PRKAG2: variants seen among roughly 807,000 people sequenced by gnomAD.
PRKAG2 encodes 5'-AMP-activated protein kinase subunit gamma-2.
In PRKAG2, 26 loss-of-function variants were observed where a neutral mutation model predicts 69.6. That is an observed-to-expected ratio of 0.37 (90% confidence interval 0.27 to 0.52). PRKAG2 has a LOEUF of 0.52. Ranked by LOEUF, PRKAG2 falls within the 20% of genes least tolerant of loss-of-function variation. The pLI is 0.90. For synonymous variants in PRKAG2, 293 were observed against 285.0 expected (o/e 1.03, Z -0.28); for missense variants, 557 against 740.0 (o/e 0.75, Z 2.87).
chr7:151,848,430 A>G (rs184902714), intron 1 of PRKAG2, among the ~76,000 whole-genome samples: 131 of 151,832 alleles, frequency 8.6e-4, no homozygotes, highest in Non-Finnish European at 1.6e-3. Context: ...AGAACTGGAA[A>G]TAAATTTCTA....
intron 3 of PRKAG2, among the ~76,000 whole-genome samples, chr7:151,735,403 A>G (rs1799614587): frequency 6.6e-6 from 1 of 152,102 alleles, no homozygotes; most frequent in South Asian, 2.1e-4. Context: ...GGGAGACCAC[A>G]ATGCAAGCTT....
intron 1 of PRKAG2, among the ~76,000 whole-genome samples, chr7:151,795,878 T>TATATACATATATATATATATATAC (rs2077501183): frequency 8.7e-6 from 1 of 115,156 alleles, no homozygotes; most frequent in African/African-American, 3.6e-5. Context: ...TATATATATA[T>TATATACATATATATATATATATAC]ATATATATAT....
chr7:151,670,460 C>T (rs1336150679), intron 4 of PRKAG2, among the ~76,000 whole-genome samples: 1 of 152,172 alleles, frequency 6.6e-6, no homozygotes, highest in Admixed American at 6.5e-5. Context: ...CTGTTCTAAC[C>T]ACCTCCAATC....
At chr7:151,854,248 C>T (rs2079649362) in intron 1 of PRKAG2, among the ~76,000 whole-genome samples, 1 of 152,282 alleles carries the variant, frequency 6.6e-6, no homozygotes, top group Non-Finnish European at 1.5e-5. Flanking sequence ...TGCAGAGTAT[C>T]TATGCATCTC....
At chr7:151,690,511 C>T (rs950496786) in intron 3 of PRKAG2, among the ~76,000 whole-genome samples, 2 of 152,200 alleles carry the variant, frequency 1.3e-5, no homozygotes, top group African/African-American at 4.8e-5. Flanking sequence ...CCACAAAGGA[C>T]CCAAGAGAGG....
intron 6 of PRKAG2, among the ~76,000 whole-genome samples, chr7:151,588,177 C>T (rs73158111): frequency 0.025 from 3,829 of 152,128 alleles, 124 homozygotes; most frequent in Non-Finnish European, 0.032. Context: ...TCATAATTCT[C>T]GAGGTGTCAT....
At chr7:151,745,137 C>G (rs1324502665) in intron 3 of PRKAG2, among the ~76,000 whole-genome samples, 1 of 152,102 alleles carries the variant, frequency 6.6e-6, no homozygotes, top group Non-Finnish European at 1.5e-5. Context: ...TGAGGATGCA[C>G]TACTCAAAAA....
chr7:151,743,452 T>TCTTTACGTGTGTC (rs2074041242), intron 3 of PRKAG2, among the ~76,000 whole-genome samples: 1 of 152,350 alleles, frequency 6.6e-6, no homozygotes, highest in Non-Finnish European at 1.5e-5. Context: ...CAACGTGTGT[T>TCTTTACGTGTGTC]CTTTACGTGT....
intron 5 of PRKAG2, among the ~76,000 whole-genome samples, chr7:151,611,875 A>C (rs1426432637): frequency 6.6e-6 from 1 of 151,954 alleles, no homozygotes; most frequent in Non-Finnish European, 1.5e-5. Context: ...CCAACATGAA[A>C]CCTCAGCTAA....
chr7:151,758,524 T>C (rs1035338850), intron 3 of PRKAG2, among the ~76,000 whole-genome samples: 1 of 152,198 alleles, frequency 6.6e-6, no homozygotes, highest in Non-Finnish European at 1.5e-5. Flanking sequence ...GATAAAGGCA[T>C]GTTGAGCTCT....
At chr7:151,640,044 C>A (rs1826420863) in intron 4 of PRKAG2, among the ~76,000 whole-genome samples, 1 of 152,178 alleles carries the variant, frequency 6.6e-6, no homozygotes, top group African/African-American at 2.4e-5. Context: ...GGCACAGTGG[C>A]TCACATGTGT....
chr7:151,873,673 A>T (rs193080545), intron 1 of PRKAG2, among the ~76,000 whole-genome samples: 28 of 152,324 alleles, frequency 1.8e-4, no homozygotes, highest in African/African-American at 6.5e-4. Context: ...AACGTTATGA[A>T]AAGCTGCCAA....
rs986315082 is a variant in PRKAG2 at position 151,719,753 on chromosome 7, C to T, written c.467-44116G>A. Among the ~76,000 whole-genome samples the T allele has an allele frequency of 6.6e-6, 1 of 151,570 alleles. No homozygotes were observed. Among genetic ancestry groups the T allele is most frequent in the African/African-American group, 2.4e-5 (1 of 41,148 alleles). On this transcript the variant is annotated intron_variant, in intron 3 of 15. Transcript: ENST00000287878. This position sits in a 1 kb window ranked among gnomAD's most constrained non-coding sequence, Gnocchi z 5.2. ...CTTCCCAGAGCCTATGTGGGCCTGG[C>T]ACCCTGATCTGTTCTCAACAAGAAA...
Position 151,781,014 on chromosome 7 carries a change from G to T in PRKAG2, c.466+138C>A. The T allele has an allele frequency of 8.7e-7, 1 of 1,148,156 alleles. No homozygotes were observed. The highest frequency in any genetic ancestry group is 1.3e-6 in the Non-Finnish European group (1 of 777,156). 71.1% of individuals were successfully genotyped at this position (1,148,156 alleles called of 1,614,324 possible). ...ATTTGTTTAGGGGGAAGTGGGGGTG[G>T]GGAGAAACAGATACAGGCACTCAGC... On this transcript the variant is annotated intron_variant, in intron 3 of 15. Coordinates refer to ENST00000287878, the MANE Select transcript of PRKAG2 (RefSeq NM_016203.4). The surrounding 1 kb of genome is among the most constrained non-coding windows in gnomAD (Gnocchi z 6.1).
intron 4 of PRKAG2, among the ~76,000 whole-genome samples, chr7:151,664,236 T>C (rs1387478061): frequency 3.9e-5 from 6 of 152,206 alleles, no homozygotes; most frequent in African/African-American, 1.2e-4. Flanking sequence ...ATCTTGGCTT[T>C]AGCGTTTGCT....
chr7:151,636,905 A>C (rs1009589099), intron 4 of PRKAG2, among the ~76,000 whole-genome samples: 1 of 152,086 alleles, frequency 6.6e-6, no homozygotes, highest in Admixed American at 6.5e-5. Flanking sequence ...GGGTTTCACC[A>C]TGTTGGCCAG....
chr7:151,782,822 C>T (rs915924335), intron 2 of PRKAG2, among the ~76,000 whole-genome samples: 14 of 152,212 alleles, frequency 9.2e-5, no homozygotes, highest in Middle Eastern at 3.2e-3. Flanking sequence ...GTAAACAGCT[C>T]TTGTCCTACC....
chr7:151,743,946 C>G (rs2074088999), intron 3 of PRKAG2, among the ~76,000 whole-genome samples: 1 of 152,212 alleles, frequency 6.6e-6, no homozygotes, highest in Admixed American at 6.5e-5. Flanking sequence ...TGCCAGCCCC[C>G]CCACATCTGG....
intron 3 of PRKAG2, among the ~76,000 whole-genome samples, chr7:151,776,162 C>A (rs1025708097): frequency 6.6e-6 from 1 of 152,174 alleles, no homozygotes; most frequent in Non-Finnish European, 1.5e-5. Context: ...CTCAAGGGCA[C>A]CAACATGAGC....
Sources: allele counts gnomAD v4.1 joint callset (sites outside exome capture counted in the v4.1 genomes callset), GRCh38; gene constraint gnomAD v4.1.1; non-coding constraint Gnocchi (gnomAD v3.1); transcripts MANE v1.5; gene names NCBI Gene and HGNC (gene_info 2026-07-23, HGNC 2026-07-21).